FOXP4: variants seen among roughly 807,000 people sequenced by gnomAD.
FOXP4 encodes forkhead box protein P4.
In FOXP4, 25 loss-of-function variants were observed where a neutral mutation model predicts 82.6. The ratio of observed to expected loss-of-function variants is 0.30; its 90% confidence interval spans 0.22 to 0.42. The LOEUF (loss-of-function observed/expected upper bound fraction) is 0.42. FOXP4 is among the 10% of genes least tolerant of loss of function. FOXP4 has a pLI of 1.00. For synonymous variants in FOXP4, 415 were observed against 388.2 expected, an observed-to-expected ratio of 1.07 and a Z score of -0.81; for missense variants, 785 against 900.9, an observed-to-expected ratio of 0.87 and a Z score of 1.65.
In FOXP4 at chr6:41,546,468, C is replaced by A. The variant is rs1395864712; in HGVS notation, c.-416C>A. ...GACAGTGCGGCCGGCGGCCGGCGGC[C>A]GGGACGGAGCCCCCAGCCCGCGAGG... On this transcript the variant is annotated 5_prime_UTR_variant, in exon 1 of 17. Coordinates refer to ENST00000307972, the MANE Select transcript of FOXP4 (RefSeq NM_001012426.2). 6.7e-6 allele frequency: 1 copy of A among 149,620 alleles called. No individual in the cohort carries two copies. The highest frequency in any genetic ancestry group is 2.4e-5 in the African/African-American group (1 of 40,992). 9.3% of individuals were successfully genotyped at this position (149,620 alleles called of 1,614,324 possible).
rs1766523555 is a variant in FOXP4, at chr6:41,591,713, T to C, written c.1536+391T>C. On this transcript the variant is annotated intron_variant, in intron 13 of 16. Transcript: ENST00000307972. The surrounding 1 kb of genome is among the most constrained non-coding windows in gnomAD (Gnocchi z 4.2). ...TCTGGATACCTTGGCTTAAGGTACA[T>C]GTTCTGAAGCCTGAGGTGGGGCTAG... 1.3e-5 allele frequency among the ~76,000 whole-genome samples: 2 copies of C among 152,148 alleles called. No individual in the cohort carries two copies. Among genetic ancestry groups the C allele is most frequent in the South Asian group, 2.1e-4 (1 of 4,830 alleles).
chr6:41,550,420 G>A (rs1763933763), intron 1 of FOXP4, among the ~76,000 whole-genome samples: 1 of 152,222 alleles, frequency 6.6e-6, no homozygotes, highest in African/African-American at 2.4e-5. Context: ...CATGTTGGTT[G>A]AATATGGAAA....
chr6:41,561,914 A>G (rs533859224), intron 1 of FOXP4, among the ~76,000 whole-genome samples: 6 of 152,314 alleles, frequency 3.9e-5, no homozygotes, highest in African/African-American at 1.2e-4. Flanking sequence ...TCCCCTAGCC[A>G]GGGTTCAGGC....
intron 13 of FOXP4, among the ~76,000 whole-genome samples, chr6:41,594,379 G>C (rs996324312): frequency 7.2e-5 from 11 of 152,182 alleles, no homozygotes; most frequent in Non-Finnish European, 1.6e-4. Flanking sequence ...GGTCAGTGGA[G>C]GTGGCAGTGA....
rs1289905322 is a variant in FOXP4, at chr6:41,600,409, C to T, written c.*1473C>T. ...GACCCCCTATGGGGGACCCCCAACT[C>T]AAGGCCAAGGACTGGGCGTATCGGA... On this transcript the variant is annotated 3_prime_UTR_variant, in exon 17 of 17. Transcript: ENST00000307972. The T allele has an allele frequency of 5.2e-5, 8 of 152,648 alleles. No homozygotes were observed. The highest frequency in any genetic ancestry group is 8.8e-5 in the Non-Finnish European group (6 of 68,122). 9.5% of individuals were successfully genotyped at this position (152,648 alleles called of 1,614,324 possible). A position where few individuals can be genotyped will look rare whatever the true frequency, so the allele number is the denominator to read the frequency against.
chr6:41,550,061 A>G (rs1381009693), intron 1 of FOXP4, among the ~76,000 whole-genome samples: 3 of 152,026 alleles, frequency 2.0e-5, no homozygotes, highest in Non-Finnish European at 4.4e-5. Context: ...GGCAGGTACT[A>G]TTTTTGACAG....
intron 1 of FOXP4, among the ~76,000 whole-genome samples, chr6:41,553,337 C>T (rs113521153): frequency 0.074 from 11,213 of 152,110 alleles, 485 homozygotes; most frequent in Non-Finnish European, 0.092. Context: ...GAGAGAGCTC[C>T]GCGAGGTGAG....
chr6:41,597,003 G>A (rs572819336), intron 14 of FOXP4, among the ~76,000 whole-genome samples, 173 bp from the exon 15 acceptor site: 5 of 152,276 alleles, frequency 3.3e-5, no homozygotes, highest in East Asian at 1.9e-4. Flanking sequence ...CGTGAAGACC[G>A]AATCAGACCA....
chr6:41,569,695 G>A (rs1765074579), intron 2 of FOXP4, among the ~76,000 whole-genome samples: 1 of 152,186 alleles, frequency 6.6e-6, no homozygotes, highest in African/African-American at 2.4e-5. Context: ...GCTGAAAGGC[G>A]TCCTGGGCCT....
intron 1 of FOXP4, among the ~76,000 whole-genome samples, chr6:41,561,633 G>T (rs1764584905): frequency 6.6e-6 from 1 of 152,026 alleles, no homozygotes. Context: ...ACCTCTTGGA[G>T]CTTGCCCCTC....
intron 1 of FOXP4, among the ~76,000 whole-genome samples, chr6:41,563,046 C>G (rs537526305): frequency 7.2e-5 from 11 of 152,246 alleles, no homozygotes; most frequent in Non-Finnish European, 5.9e-5. Context: ...CCTGCCCTTA[C>G]TCCAGCCCAG....
chr6:41,562,864 G>A (rs1002795291), intron 1 of FOXP4, among the ~76,000 whole-genome samples: 2 of 152,236 alleles, frequency 1.3e-5, no homozygotes, highest in African/African-American at 4.8e-5. Flanking sequence ...CCAAGTGGGG[G>A]AAGGTGCTGC....
Position 41,565,749 on chromosome 6 carries a change from C to T in FOXP4, c.-12C>T, listed in dbSNP as rs145921358. 3.9e-5 allele frequency: 62 copies of T among 1,588,372 alleles called. No individual in the cohort carries two copies. The East Asian group carries it at 1.1e-3, about 29-fold the overall frequency. On this transcript the variant is annotated 5_prime_UTR_variant, in exon 2 of 17. Transcript: ENST00000307972. ...GTGTCTCTCTTCCTCCTCCAGGTACCGCTAGAGCGACATGATGGTGGAATC... is the reference window on the plus strand; with the variant it reads ...GTGTCTCTCTTCCTCCTCCAGGTACTGCTAGAGCGACATGATGGTGGAATC...
intron 1 of FOXP4, 128 bp from the exon 2 acceptor site, chr6:41,565,617 T>C: frequency 1.2e-6 from 1 of 836,066 alleles, no homozygotes; most frequent in Non-Finnish European, 1.9e-6. Flanking sequence ...GAGCAGCCTC[T>C]GGGAAGTTGA....
At position 41,599,866 on chromosome 6, in the gene FOXP4, A is replaced by T. The variant is rs972415699; in HGVS notation, c.*930A>T. 2.0e-5 allele frequency: 3 copies of T among 150,686 alleles called. No homozygotes were observed. The highest frequency in any genetic ancestry group is 7.4e-5 in the African/African-American group (3 of 40,816). The allele number at this position is 150,686 out of a possible 1,614,324, so 9.3% of individuals were successfully genotyped here. A position where few individuals can be genotyped will look rare whatever the true frequency, so the allele number is the denominator to read the frequency against. On this transcript the variant is annotated 3_prime_UTR_variant, in exon 17 of 17. Coordinates refer to ENST00000307972, the MANE Select transcript of FOXP4 (RefSeq NM_001012426.2). ...CCTCAGCTCCCCTTCCTCTGCAGTC[A>T]CCCTCAGCTCCCCTTCCTTGCCCGC...
rs1581803080 is a variant in FOXP4, at chr6:41,600,501, C to A, written c.*1565C>A. On this transcript the variant is annotated 3_prime_UTR_variant, in exon 17 of 17. Coordinates refer to ENST00000307972, the MANE Select transcript of FOXP4 (RefSeq NM_001012426.2). ...TCCTTGGATATTTCCCAAGAACCCC[C>A]CACATACACCCCTCACAAGCCACCC... 2 of 152,634 alleles carry A rather than the reference C, an allele frequency of 1.3e-5. No homozygotes were observed. The highest frequency in any genetic ancestry group is 6.5e-5 in the Admixed American group (1 of 15,306). The allele number at this position is 152,634 out of a possible 1,614,324, so 9.5% of individuals were successfully genotyped here.
chr6:41,570,078 T>G (rs1489690367), intron 2 of FOXP4: 1 of 96,714 alleles, frequency 1.0e-5, no homozygotes, highest in African/African-American at 6.8e-5. Context: ...CACCACCCCC[T>G]GACACACACA....
chr6:41,584,349 G>A (rs2127386816), intron 3 of FOXP4, among the ~76,000 whole-genome samples: 1 of 152,356 alleles, frequency 6.6e-6, no homozygotes, highest in East Asian at 1.9e-4. Flanking sequence ...GACTATGGGT[G>A]GCCTGGTATG....
chr6:41,573,355 G>C (rs1765303594), intron 2 of FOXP4, among the ~76,000 whole-genome samples: 2 of 152,068 alleles, frequency 1.3e-5, no homozygotes, highest in South Asian at 4.1e-4. Flanking sequence ...ATTCATAGCA[G>C]CTCCCTGTTG....
Sources: allele counts gnomAD v4.1 joint callset (sites outside exome capture counted in the v4.1 genomes callset), GRCh38; gene constraint gnomAD v4.1.1; non-coding constraint Gnocchi (gnomAD v3.1); transcripts MANE v1.5; gene names NCBI Gene and HGNC (gene_info 2026-07-23, HGNC 2026-07-21).